The following SEMA6A variants were observed in gnomAD, a reference collection of about 807,000 sequenced individuals.
The protein encoded by SEMA6A is semaphorin-6A.
Under a neutral mutation model 96.8 loss-of-function variants are expected in SEMA6A, and 25 were observed. The observed-to-expected ratio is 0.26, with a 90% CI of 0.19 to 0.36. SEMA6A has a LOEUF of 0.36. Ranked by LOEUF, SEMA6A falls within the 10% of genes least tolerant of loss-of-function variation. The pLI, the probability that SEMA6A is intolerant of heterozygous loss-of-function variation, is 1.00. For synonymous variants in SEMA6A, 612 were observed against 518.0 expected, an observed-to-expected ratio of 1.18 and a Z score of -2.46; for missense variants, 1,363 against 1,323.1, an observed-to-expected ratio of 1.03 and a Z score of -0.47.
chr5:116,514,026 C>T (rs1486076371), intron 1 of SEMA6A, among the ~76,000 whole-genome samples: 1 of 152,150 alleles, frequency 6.6e-6, no homozygotes, highest in Non-Finnish European at 1.5e-5. Flanking sequence ...TCTAGTCTAT[C>T]ACTGATGGGC....
chr5:116,538,183 G>GCAAAA (rs71923662), intron 1 of SEMA6A, among the ~76,000 whole-genome samples: 64 of 151,698 alleles, frequency 4.2e-4, no homozygotes, highest in South Asian at 6.2e-4. Flanking sequence ...CAAAAACAAA[G>GCAAAA]CAAAACAAAA....
chr5:116,445,614 T>C lies in SEMA6A; in HGVS notation c.*999A>G, dbSNP rs1754130485. On this transcript the variant is annotated 3_prime_UTR_variant, in exon 19 of 19. Transcript: ENST00000343348. ...GAAGGACTTTAACATGAATTAGTTT[T>C]TTTGCATGTTTATAGGCCAGAGACC... The C allele has an allele frequency of 6.6e-6, 1 of 152,460 alleles. No individual in the cohort carries two copies. The highest frequency in any genetic ancestry group is 6.5e-5 in the Admixed American group (1 of 15,290). 9.4% of individuals were successfully genotyped at this position (152,460 alleles called of 1,614,324 possible). A position where few individuals can be genotyped will look rare whatever the true frequency, so the allele number is the denominator to read the frequency against.
rs1754112548 is a variant in SEMA6A at position 116,445,282 on chromosome 5, G to C, written c.*1331C>G. 1 of 152,682 alleles carries C rather than the reference G, an allele frequency of 6.5e-6. No homozygotes were observed. The highest frequency in any genetic ancestry group is 1.5e-5 in the Non-Finnish European group (1 of 68,048). 9.5% of individuals were successfully genotyped at this position (152,682 alleles called of 1,614,324 possible). On this transcript the variant is annotated 3_prime_UTR_variant, in exon 19 of 19. Coordinates refer to ENST00000343348, the MANE Select transcript of SEMA6A (RefSeq NM_020796.5). ...ACAGTTGATCATAAAGAGTTTACAA[G>C]TGTACACAACTCAAGGTGTAAGGCA... is the stretch of plus-strand genomic sequence containing the variant.
rs1412253784 is a variant in SEMA6A at position 116,478,048 on chromosome 5, G to A, written c.1534C>T (p.Leu512Phe). 6.2e-7 allele frequency: 1 copy of A among 1,613,968 alleles called. No homozygotes were observed. The highest frequency in any genetic ancestry group is 1.1e-5 in the South Asian group (1 of 91,086). The part of the protein sequence containing the change: ...AFSTCVIKVP[L>F]GRCERHGKCK... ...TTCCCATGTCGTTCACACCGGCCAA[G>A]GGGAACCTTTATCACACAGGTAGAG... The change falls in exon 14 of 19, where the codon CTT (leucine) becomes TTT (phenylalanine). Residue 512 changes from leucine (L) to phenylalanine (F), a missense_variant. Coordinates refer to ENST00000343348, the MANE Select transcript of SEMA6A (RefSeq NM_020796.5).
intron 1 of SEMA6A, among the ~76,000 whole-genome samples, chr5:116,543,375 C>A (rs1760055897): frequency 1.3e-5 from 2 of 152,212 alleles, no homozygotes; most frequent in African/African-American, 2.4e-5. Flanking sequence ...TTCCTATGTT[C>A]ATGTTCACTG....
intron 1 of SEMA6A, among the ~76,000 whole-genome samples, chr5:116,507,356 T>C (rs1460282413): frequency 6.6e-6 from 1 of 152,194 alleles, no homozygotes; most frequent in Non-Finnish European, 1.5e-5. Flanking sequence ...TGTAAATATG[T>C]AGACAATAAA....
intron 12 of SEMA6A, among the ~76,000 whole-genome samples, chr5:116,479,052 T>C (rs968141947): frequency 3.3e-5 from 5 of 152,130 alleles, no homozygotes; most frequent in African/African-American, 1.2e-4. Flanking sequence ...TAATGTCTCC[T>C]ATGAGGAGGG....
intron 18 of SEMA6A, 30 bp downstream of exon 18, chr5:116,467,553 C>A (rs772271343): frequency 2.5e-6 from 4 of 1,588,074 alleles, no homozygotes; most frequent in African/African-American, 1.4e-5. Context: ...CCCTCTCCCC[C>A]GAGAGGAAGA....
intron 1 of SEMA6A, among the ~76,000 whole-genome samples, chr5:116,560,144 A>C (rs969857149): frequency 2.0e-4 from 31 of 152,178 alleles, no homozygotes; most frequent in African/African-American, 7.2e-4. Context: ...CTTGCCTCCC[A>C]AATACGGAGA....
rs1757577495 is a variant in SEMA6A, at chr5:116,495,914, A to G, written c.342+337T>C. On this transcript the variant is annotated intron_variant, in intron 5 of 18. Transcript: ENST00000343348. The stretch of plus-strand genomic sequence containing the variant: ...CCCTGCATGTCTGCGGCAGCCTTTT[A>G]TGAGCTCTTCCACAGACTCCCTGTG... The G allele has an allele frequency of 9.0e-6, 3 of 333,924 alleles. No individual in the cohort carries two copies. In the South Asian group the frequency reaches 9.8e-5, roughly 11 times the overall value. 20.7% of individuals were successfully genotyped at this position (333,924 alleles called of 1,614,324 possible). A position where few individuals can be genotyped will look rare whatever the true frequency, so the allele number is the denominator to read the frequency against.
intron 1 of SEMA6A, among the ~76,000 whole-genome samples, chr5:116,526,447 G>A (rs1759228245): frequency 6.6e-6 from 1 of 152,072 alleles, no homozygotes; most frequent in East Asian, 1.9e-4. Flanking sequence ...TAGTGAACCT[G>A]GCAAGGGCAA....
intron 17 of SEMA6A, among the ~76,000 whole-genome samples, chr5:116,469,708 G>C (rs914230894): frequency 9.9e-5 from 15 of 152,226 alleles, no homozygotes; most frequent in African/African-American, 3.6e-4. Flanking sequence ...GGTTTAGGGA[G>C]AACATTTCTT....
rs147803514 is a variant in SEMA6A, at chr5:116,478,300, G to A, written c.1428-146C>T. ...CAAACCCTTCTGCTCTTGCACACAC[G>A]TAAACACACACATGTATATGTATCT... On this transcript the variant is annotated intron_variant, in intron 13 of 18. Coordinates refer to ENST00000343348, the MANE Select transcript of SEMA6A (RefSeq NM_020796.5). The A allele has an allele frequency of 1.0e-3, 901 of 890,750 alleles. 9 individuals carry two copies. The African/African-American group carries it at 0.011, about 10-fold the overall frequency. 55.2% of individuals were successfully genotyped at this position (890,750 alleles called of 1,614,324 possible).
In SEMA6A at chr5:116,447,447, C is replaced by G. The variant is rs1401329272; in HGVS notation, c.2259G>C (p.Thr753=). ...GGGTTGACTCTGGGGTGGGGAGGGC[C>G]GTCAGGTCCAGGTGGTGCTGGTCTG... The part of the protein sequence containing the change: ...IKADQHHLDL[T]ALPTPESTPT... The change falls in exon 19 of 19, where the codon ACG becomes ACC. Residue 753 remains threonine, a synonymous_variant. Coordinates refer to ENST00000343348, the MANE Select transcript of SEMA6A (RefSeq NM_020796.5). 1 of 1,614,052 alleles carries G rather than the reference C, an allele frequency of 6.2e-7. No individual in the cohort carries two copies. Among genetic ancestry groups the G allele is most frequent in the Non-Finnish European group, 8.5e-7 (1 of 1,179,892 alleles).
At chr5:116,547,546 A>T (rs1760232954) in intron 1 of SEMA6A, among the ~76,000 whole-genome samples, 1 of 151,104 alleles carries the variant, frequency 6.6e-6, no homozygotes, top group South Asian at 2.1e-4. Context: ...TAACTATTTC[A>T]TTAATATTCT....
intron 17 of SEMA6A, chr5:116,469,437 A>G (rs934287747): frequency 1.3e-5 from 2 of 151,106 alleles, no homozygotes; most frequent in Non-Finnish European, 3.0e-5. Flanking sequence ...TTGAGGTCTA[A>G]AACATAACTT....
intron 18 of SEMA6A, among the ~76,000 whole-genome samples, chr5:116,450,226 AGGCTAGAC>A (rs1352723148): frequency 2.6e-5 from 4 of 152,238 alleles, no homozygotes; most frequent in Non-Finnish European, 4.4e-5. Flanking sequence ...AGTTGAACAC[AGGCTAGAC>A]GGCCCCAGTA....
At chr5:116,449,722 A>G (rs962455574) in intron 18 of SEMA6A, 2 of 183,432 alleles carry the variant, frequency 1.1e-5, no homozygotes, top group African/African-American at 4.7e-5. Flanking sequence ...AGCAGCAAAT[A>G]TCTCTTAAGA....
At chr5:116,573,301 C>A (rs992861537) in intron 1 of SEMA6A, among the ~76,000 whole-genome samples, 4 of 152,176 alleles carry the variant, frequency 2.6e-5, no homozygotes, top group African/African-American at 9.7e-5. Context: ...CACCCTTCCC[C>A]CTCCTGGGTC....
Sources: allele counts gnomAD v4.1 joint callset (sites outside exome capture counted in the v4.1 genomes callset), GRCh38; gene constraint gnomAD v4.1.1; transcripts MANE v1.5; gene names NCBI Gene and HGNC (gene_info 2026-07-23, HGNC 2026-07-21).